The following CAMTA1 variants were observed in gnomAD, a reference collection of about 807,000 sequenced individuals.
CAMTA1 encodes calmodulin binding transcription activator 1, also known as calmodulin-binding transcription activator 1.
CAMTA1 carries 27 observed loss-of-function variants against 170.9 expected under a neutral mutation model. That is an observed-to-expected ratio of 0.16 (90% CI 0.12 to 0.22). The LOEUF is 0.22. Ranked by LOEUF, CAMTA1 falls within the 10% of genes least tolerant of loss-of-function variation. The pLI, the probability that CAMTA1 is intolerant of heterozygous loss-of-function variation, is 1.00. For missense variants in CAMTA1, 1,619 were observed against 2,217.2 expected, an observed-to-expected ratio of 0.73 and a Z score of 5.42; for synonymous variants, 833 against 891.5, an observed-to-expected ratio of 0.93 and a Z score of 1.17.
At chr1:7,412,847 T>A (rs919210816) in intron 5 of CAMTA1, among the ~76,000 whole-genome samples, 3 of 152,230 alleles carry the variant, frequency 2.0e-5, no homozygotes, top group African/African-American at 7.2e-5. Context: ...ATGTCCTGAA[T>A]GGTATTGCCT....
chr1:6,999,529 G>A (rs1413777274), intron 3 of CAMTA1, among the ~76,000 whole-genome samples: 1 of 152,158 alleles, frequency 6.6e-6, no homozygotes, highest in South Asian at 2.1e-4. Context: ...GAATACAGGT[G>A]CATGCCAGCA....
At chr1:6,943,801 C>G (rs138555131) in intron 3 of CAMTA1, among the ~76,000 whole-genome samples, 3,637 of 139,764 alleles carry the variant, frequency 0.026, 68 homozygotes, top group Middle Eastern at 0.042. Flanking sequence ...GAGCCGAAAT[C>G]GTGCCACTGC....
chr1:7,385,408 G>A (rs1255025647), intron 5 of CAMTA1, among the ~76,000 whole-genome samples: 2 of 152,168 alleles, frequency 1.3e-5, no homozygotes, highest in African/African-American at 4.8e-5. Context: ...GGCGTTTTAC[G>A]TTTCAAGTTG....
intron 3 of CAMTA1, among the ~76,000 whole-genome samples, chr1:6,999,670 C>T (rs1025037443): frequency 1.3e-5 from 2 of 152,120 alleles, no homozygotes; most frequent in Admixed American, 1.3e-4. Flanking sequence ...CCGTACCCGG[C>T]CGGGTCTTTT....
In CAMTA1 at chr1:7,664,743, C is replaced by T. The variant is rs2095987305; in HGVS notation, c.2196C>T (p.Gly732=). 12 of 1,608,044 alleles carry T rather than the reference C, an allele frequency of 7.5e-6. No individual in the cohort carries two copies. Among genetic ancestry groups the T allele is most frequent in the South Asian group, 4.4e-5 (4 of 90,762 alleles). The change falls in exon 9 of 23, where the codon GGC becomes GGT. Residue 732 remains glycine (G), a synonymous_variant. Transcript: ENST00000303635. ...ACGGGGTAATCCGAAGCGCCGGCGG[C>T]GTCCCCATCCTCCCGGGCAACGTGG... ...ETNGVIRSAG[G]VPILPGNVVQ... is the part of the protein sequence containing the mutation.
chr1:6,867,248 G>A (rs928644139), intron 3 of CAMTA1, among the ~76,000 whole-genome samples: 2 of 151,712 alleles, frequency 1.3e-5, no homozygotes, highest in Non-Finnish European at 2.9e-5. Flanking sequence ...TGAAAGCTTT[G>A]ATGTTTTTAG....
intron 3 of CAMTA1, among the ~76,000 whole-genome samples, chr1:7,049,763 C>G (rs1408820597): frequency 6.6e-6 from 1 of 152,190 alleles, no homozygotes; most frequent in African/African-American, 2.4e-5. Context: ...GCCTGGCTCT[C>G]TTGGTTTTAA....
In CAMTA1 at chr1:7,309,791, C is replaced by G. The variant is rs143844925; in HGVS notation, c.438+60165C>G. The stretch of plus-strand genomic sequence containing the variant: ...GCAATCTACTTAGAATCAACATTTA[C>G]CACTTCAAGTGGAACATAGCAAGCT... On this transcript the variant is annotated intron_variant, in intron 5 of 22. Coordinates refer to ENST00000303635, the MANE Select transcript of CAMTA1 (RefSeq NM_015215.4). Among the ~76,000 whole-genome samples the G allele has an allele frequency of 3.7e-3, 567 of 152,036 alleles. 7 individuals are homozygous for G. The highest frequency in any genetic ancestry group is 0.024 in the Admixed American group (372 of 15,274).
intron 4 of CAMTA1, among the ~76,000 whole-genome samples, chr1:7,207,419 G>T (rs1369447634): frequency 1.3e-5 from 2 of 152,214 alleles, no homozygotes; most frequent in Non-Finnish European, 2.9e-5. Flanking sequence ...ACAAATTCAG[G>T]AGGAAAATCT....
chr1:7,049,539 C>T (rs1558024345), intron 3 of CAMTA1, among the ~76,000 whole-genome samples: 2 of 152,278 alleles, frequency 1.3e-5, no homozygotes, highest in East Asian at 3.9e-4. Context: ...TAACTGCAAC[C>T]TCTGCCTCCC....
rs558267606 is a variant in CAMTA1 at position 6,993,194 on chromosome 1, C to T, written c.235-98110C>T. Among the ~76,000 whole-genome samples, 10 of 152,144 alleles carry T rather than the reference C, an allele frequency of 6.6e-5. No homozygotes were observed. In the South Asian group the frequency reaches 2.1e-3, roughly 32 times the overall value. ...TTTTCAAAATGATTTGACTATCTTA[C>T]CTCTTTGACATTTTCATATAAATTT... is the stretch of plus-strand genomic sequence containing the variant. On this transcript the variant is annotated intron_variant, in intron 3 of 22. Transcript: ENST00000303635.
rs530069598 is a variant in CAMTA1, at chr1:7,146,165, C to G, written c.302+54794C>G. 2.3e-3 allele frequency among the ~76,000 whole-genome samples: 357 copies of G among 152,214 alleles called. 3 individuals are homozygous for G. Among genetic ancestry groups the G allele is most frequent in the African/African-American group, 7.8e-3 (324 of 41,522 alleles). ...ATGGGCAGTCATGGTGCTTCCCCGCCCTGGGCAGCTGCTTATTCCAGAAAT... is the reference window on the plus strand; with the variant it reads ...ATGGGCAGTCATGGTGCTTCCCCGCGCTGGGCAGCTGCTTATTCCAGAAAT... On this transcript the variant is annotated intron_variant, in intron 4 of 22. Transcript: ENST00000303635. The surrounding 1 kb of genome is among the most constrained non-coding windows in gnomAD (Gnocchi z 4.3).
intron 5 of CAMTA1, among the ~76,000 whole-genome samples, chr1:7,364,525 C>T (rs377132247): frequency 1.3e-5 from 2 of 151,894 alleles, no homozygotes; most frequent in Non-Finnish European, 2.9e-5. Flanking sequence ...TCCTAGCTCA[C>T]TGCTTTCCTG....
intron 3 of CAMTA1, among the ~76,000 whole-genome samples, chr1:7,036,306 T>C (rs1031899792): frequency 1.3e-5 from 2 of 152,114 alleles, no homozygotes; most frequent in African/African-American, 4.8e-5. Flanking sequence ...CACTGAGAAA[T>C]AGAGAAGAAG....
intron 3 of CAMTA1, among the ~76,000 whole-genome samples, chr1:6,911,957 C>A (rs1283837813): frequency 6.6e-6 from 1 of 152,220 alleles, no homozygotes; most frequent in Non-Finnish European, 1.5e-5. Context: ...CCTTTGTCTT[C>A]CTGAATCCCT....
chr1:7,187,770 T>C (rs1364378509), intron 4 of CAMTA1, among the ~76,000 whole-genome samples: 1 of 152,160 alleles, frequency 6.6e-6, no homozygotes, highest in Non-Finnish European at 1.5e-5. Context: ...TCCCCCTCCA[T>C]CCCATTAGAG....
chr1:7,764,183 G>A (rs2096999152), intron 22 of CAMTA1, among the ~76,000 whole-genome samples: 3 of 151,958 alleles, frequency 2.0e-5, no homozygotes, highest in African/African-American at 7.3e-5. Context: ...ACTGTAATAT[G>A]ACCCAAATTA....
chr1:6,893,898 C>G (rs1456270793), intron 3 of CAMTA1, among the ~76,000 whole-genome samples: 2 of 152,188 alleles, frequency 1.3e-5, no homozygotes, highest in African/African-American at 4.8e-5. Flanking sequence ...ACACAGGTGA[C>G]CCAGGCATCC....
chr1:7,480,209 G>C (rs1295319974), intron 6 of CAMTA1, among the ~76,000 whole-genome samples: 2 of 75,120 alleles, frequency 2.7e-5, no homozygotes, highest in Non-Finnish European at 4.6e-5. Context: ...GTGTGTGAGT[G>C]CATGTGTGTA....
Sources: allele counts gnomAD v4.1 joint callset (sites outside exome capture counted in the v4.1 genomes callset), GRCh38; gene constraint gnomAD v4.1.1; non-coding constraint Gnocchi (gnomAD v3.1); transcripts MANE v1.5; gene names NCBI Gene and HGNC (gene_info 2026-07-23, HGNC 2026-07-21).